The following LDAH variants were observed in gnomAD, a reference collection of about 807,000 sequenced individuals.
The protein encoded by LDAH is lipid droplet-associated hydrolase.
LDAH carries 26 observed loss-of-function variants against 29.6 expected under a neutral mutation model. That is an observed-to-expected ratio of 0.88 (90% CI 0.64 to 1.22). The LOEUF is 1.22. Ranked by LOEUF, LDAH falls within the 50% of genes most tolerant of loss-of-function variation. The pLI, the probability that LDAH is intolerant of heterozygous loss-of-function variation, is 0.00. For missense variants in LDAH, 344 were observed against 387.3 expected, an observed-to-expected ratio of 0.89 and a Z score of 0.94; for synonymous variants, 117 against 133.0, an observed-to-expected ratio of 0.88 and a Z score of 0.83.
intron 4 of LDAH, among the ~76,000 whole-genome samples, chr2:20,772,373 AACT>A (rs1354430216): frequency 6.6e-6 from 1 of 152,246 alleles, no homozygotes; most frequent in Non-Finnish European, 1.5e-5. Context: ...AACAACAAAT[AACT>A]ACATTTCATG....
chr2:20,726,904 T>C (rs541565031), intron 5 of LDAH, among the ~76,000 whole-genome samples: 1 of 152,316 alleles, frequency 6.6e-6, no homozygotes, highest in African/African-American at 2.4e-5. Context: ...AAAATTTCTT[T>C]AGAAAAAATA....
intron 4 of LDAH, among the ~76,000 whole-genome samples, chr2:20,764,599 T>G (rs1668907767): frequency 6.6e-6 from 1 of 152,228 alleles, no homozygotes; most frequent in East Asian, 1.9e-4. Context: ...CTCTCTGAAC[T>G]CCTCCCAATG....
chr2:20,797,588 G>A (rs1230425958), intron 2 of LDAH, among the ~76,000 whole-genome samples: 10 of 152,106 alleles, frequency 6.6e-5, no homozygotes, highest in Admixed American at 6.5e-5. Flanking sequence ...AGGCAAGCTA[G>A]GATGGCTAAT....
intron 1 of LDAH, among the ~76,000 whole-genome samples, chr2:20,822,754 A>G (rs1482482448): frequency 6.6e-6 from 1 of 152,140 alleles, no homozygotes. Context: ...CGGGGGCACC[A>G]TAAGACTCCC....
Position 20,684,681 on chromosome 2 carries a change from G to T in LDAH, c.*2222C>A, listed in dbSNP as rs1662438667. 1.9e-6 allele frequency: 1 copy of T among 515,940 alleles called. No homozygotes were observed. The highest frequency in any genetic ancestry group is 3.3e-6 in the Non-Finnish European group (1 of 300,702). 32.0% of individuals were successfully genotyped at this position (515,940 alleles called of 1,614,324 possible). A position where few individuals can be genotyped will look rare whatever the true frequency, so the allele number is the denominator to read the frequency against. ...AGGCCACACAAGCCACAGAGGGCTT[G>T]TGGAGATGCTTATGGCTGGGAACAG... On this transcript the variant is annotated 3_prime_UTR_variant, in exon 7 of 7. Coordinates refer to ENST00000237822, the MANE Select transcript of LDAH (RefSeq NM_021925.4).
chr2:20,720,225 CA>C (rs1489176499), intron 5 of LDAH, among the ~76,000 whole-genome samples: 3 of 151,942 alleles, frequency 2.0e-5, no homozygotes, highest in Non-Finnish European at 4.4e-5. Context: ...AAGACTCCAT[CA>C]AAAAACTCTC....
At chr2:20,772,423 T>C (rs1000835708) in intron 4 of LDAH, among the ~76,000 whole-genome samples, 2 of 152,210 alleles carry the variant, frequency 1.3e-5, no homozygotes, top group Non-Finnish European at 2.9e-5. Context: ...GTCCAAGTCA[T>C]TGCCTACACC....
chr2:20,764,936 T>C (rs2124974138), intron 4 of LDAH, among the ~76,000 whole-genome samples: 1 of 152,340 alleles, frequency 6.6e-6, no homozygotes, highest in East Asian at 1.9e-4. Flanking sequence ...GAACACGTTT[T>C]ATAAATTTCA....
At chr2:20,735,826 G>C (rs1003286367) in intron 5 of LDAH, among the ~76,000 whole-genome samples, 1 of 152,150 alleles carries the variant, frequency 6.6e-6, no homozygotes, top group Non-Finnish European at 1.5e-5. Flanking sequence ...GGTAGGGGAA[G>C]GAATTCTGAC....
At chr2:20,782,251 AT>A (rs2125045064) in intron 3 of LDAH, among the ~76,000 whole-genome samples, 1 of 152,290 alleles carries the variant, frequency 6.6e-6, no homozygotes, top group Admixed American at 6.5e-5. Context: ...CCTCCAGGTG[AT>A]TTTGATGCAT....
intron 6 of LDAH, among the ~76,000 whole-genome samples, chr2:20,692,030 T>C (rs1237907810): frequency 2.0e-5 from 3 of 151,702 alleles, no homozygotes; most frequent in African/African-American, 7.3e-5. Flanking sequence ...TTTTGGGGGG[T>C]CTACAAACAG....
chr2:20,813,709 C>G (rs1672657178), intron 1 of LDAH, among the ~76,000 whole-genome samples: 1 of 152,156 alleles, frequency 6.6e-6, no homozygotes, highest in Admixed American at 6.5e-5. Context: ...GGTATCTTTC[C>G]CTCTGCAACC....
At position 20,724,502 on chromosome 2, in the gene LDAH, A is replaced by C. The variant is rs1209538980; in HGVS notation, c.703+15469T>G. ...GACTGACAGAGAAGGTTACTCAGCT[A>C]GTGCTTTGGAAAGCGGGGTGGGGAG... On this transcript the variant is annotated intron_variant, in intron 5 of 6. Transcript: ENST00000237822. Among the ~76,000 whole-genome samples, 3 of 152,238 alleles carry C rather than the reference A, an allele frequency of 2.0e-5. No homozygotes were observed. The East Asian group carries it at 5.8e-4, about 29-fold the overall frequency.
At chr2:20,709,758 A>G (rs1209338869) in intron 5 of LDAH, among the ~76,000 whole-genome samples, 2 of 152,206 alleles carry the variant, frequency 1.3e-5, no homozygotes. Flanking sequence ...AATGTCCACC[A>G]ATTGATGAAT....
chr2:20,692,144 T>A (rs1423729202), intron 6 of LDAH, among the ~76,000 whole-genome samples: 1 of 152,180 alleles, frequency 6.6e-6, no homozygotes, highest in Non-Finnish European at 1.5e-5. Context: ...GTGGCTGACA[T>A]TCAGAAGTGT....
At chr2:20,690,097 A>G (rs536451570) in intron 6 of LDAH, among the ~76,000 whole-genome samples, 9 of 152,240 alleles carry the variant, frequency 5.9e-5, no homozygotes, top group Non-Finnish European at 1.0e-4. Context: ...GTTTCCAATG[A>G]GAAGTCCAGC....
intron 5 of LDAH, among the ~76,000 whole-genome samples, chr2:20,707,712 T>C (rs549871091): frequency 6.6e-6 from 1 of 152,300 alleles, no homozygotes; most frequent in Admixed American, 6.5e-5. Context: ...AATCCCTGAA[T>C]TGAGAATAGT....
At chr2:20,771,966 C>G (rs981716358) in intron 4 of LDAH, among the ~76,000 whole-genome samples, 5 of 152,192 alleles carry the variant, frequency 3.3e-5, no homozygotes, top group African/African-American at 1.2e-4. Context: ...CTTTTCACCA[C>G]TATTCCTGCA....
chr2:20,711,417 G>A (rs1459188007), intron 5 of LDAH, among the ~76,000 whole-genome samples: 2 of 151,392 alleles, frequency 1.3e-5, no homozygotes, highest in Admixed American at 6.6e-5. Flanking sequence ...GAAGTGGTCC[G>A]TTCCAAGATG....
Sources: allele counts gnomAD v4.1 joint callset (sites outside exome capture counted in the v4.1 genomes callset), GRCh38; gene constraint gnomAD v4.1.1; transcripts MANE v1.5; gene names NCBI Gene and HGNC (gene_info 2026-07-23, HGNC 2026-07-21).